RNF175: variants seen among roughly 807,000 people sequenced by gnomAD.
The protein encoded by RNF175 is ring finger protein 175.
In RNF175, 38 loss-of-function variants were observed where a neutral mutation model predicts 50.0. That is an observed-to-expected ratio of 0.76 (90% confidence interval 0.59 to 1.00). RNF175 has a LOEUF of 1.00. Among genes scored for constraint, RNF175 ranks in the 50% least tolerant of loss-of-function variants. RNF175 has a pLI of 0.00. For missense variants in RNF175, 388 were observed against 409.6 expected, an observed-to-expected ratio of 0.95 and a Z score of 0.46; for synonymous variants, 155 against 146.1, an observed-to-expected ratio of 1.06 and a Z score of -0.44.
At chr4:153,725,092 G>A (rs1738615722) in intron 4 of RNF175, among the ~76,000 whole-genome samples, 1 of 138,542 alleles carries the variant, frequency 7.2e-6, no homozygotes, top group African/African-American at 2.7e-5. Flanking sequence ...GGGCAGGGGT[G>A]AGCTGCGTGG....
intron 2 of RNF175, among the ~76,000 whole-genome samples, chr4:153,751,087 G>T (rs1032811609): frequency 2.0e-5 from 3 of 152,216 alleles, no homozygotes; most frequent in African/African-American, 4.8e-5. Flanking sequence ...CACTTCATGT[G>T]GTGCTCACAG....
chr4:153,721,245 G>C (rs1738320943), intron 5 of RNF175: 1 of 151,546 alleles, frequency 6.6e-6, no homozygotes, highest in Admixed American at 6.6e-5. Flanking sequence ...TTGCACATTT[G>C]GTTTGCTCTA....
chr4:153,717,731 T>TATGATCTCC (rs1416342725), intron 6 of RNF175, among the ~76,000 whole-genome samples: 2 of 152,214 alleles, frequency 1.3e-5, no homozygotes, highest in Non-Finnish European at 2.9e-5. Flanking sequence ...TTTTTAGTCT[T>TATGATCTCC]ATGATCTCCA....
intron 1 of RNF175, among the ~76,000 whole-genome samples, chr4:153,755,783 G>A (rs1341883002): frequency 6.6e-6 from 1 of 151,690 alleles, no homozygotes; most frequent in East Asian, 1.9e-4. Context: ...AAAATGAAAT[G>A]CTCACCAAGT....
At chr4:153,753,258 C>A (rs1466389152) in intron 1 of RNF175, among the ~76,000 whole-genome samples, 2 of 152,216 alleles carry the variant, frequency 1.3e-5, no homozygotes, top group African/African-American at 4.8e-5. Context: ...GTGGGGGATG[C>A]AACCGGGGTT....
intron 1 of RNF175, among the ~76,000 whole-genome samples, chr4:153,753,164 C>A (rs987989359): frequency 6.6e-6 from 1 of 152,198 alleles, no homozygotes; most frequent in Non-Finnish European, 1.5e-5. Context: ...CGAAGCCCAC[C>A]AGCATGCGGG....
At chr4:153,716,063 CAAAA>C (rs35531787) in intron 6 of RNF175, among the ~76,000 whole-genome samples, 184 of 94,204 alleles carry the variant, frequency 2.0e-3, no homozygotes, top group African/African-American at 7.6e-3. Context: ...GACTCTGTCT[CAAAA>C]AAAAAAAAAA....
At chr4:153,722,767 C>CA (rs3068869) in intron 5 of RNF175, among the ~76,000 whole-genome samples, 2,015 of 147,372 alleles carry the variant, frequency 0.014, 30 homozygotes, top group African/African-American at 0.036. Flanking sequence ...TTTAATAAGT[C>CA]AAAAAAAAAA....
chr4:153,715,812 C>T (rs1434296268), intron 6 of RNF175, 150 bp from the exon 7 acceptor site: 3 of 768,918 alleles, frequency 3.9e-6, no homozygotes, highest in African/African-American at 3.5e-5. Context: ...GCCTGTAATC[C>T]CAGCACTTTG....
At chr4:153,713,588 CCCAGGTGAACAGCA>C (rs552086152) in intron 7 of RNF175, 10 of 152,262 alleles carry the variant, frequency 6.6e-5, no homozygotes, top group Admixed American at 6.5e-4. Context: ...CTGCTACACA[CCCAGGTGAACAGCA>C]ACGATGTAGA....
chr4:153,741,942 C>T (rs957276055), intron 3 of RNF175, among the ~76,000 whole-genome samples: 1 of 152,236 alleles, frequency 6.6e-6, no homozygotes, highest in Admixed American at 6.5e-5. Flanking sequence ...CTATATCTCA[C>T]AAAATCAGCC....
At chr4:153,755,778 GA>G (rs1158914630) in intron 1 of RNF175, among the ~76,000 whole-genome samples, 3 of 151,716 alleles carry the variant, frequency 2.0e-5, no homozygotes, top group South Asian at 2.1e-4. Flanking sequence ...TTTTAAAAAT[GA>G]AATGCTCACC....
chr4:153,738,800 CCTCT>C (rs1739489847), intron 3 of RNF175, among the ~76,000 whole-genome samples: 1 of 151,980 alleles, frequency 6.6e-6, no homozygotes, highest in African/African-American at 2.4e-5. Flanking sequence ...CATCTTTCTC[CCTCT>C]CTCTCTGCCT....
intron 2 of RNF175, among the ~76,000 whole-genome samples, chr4:153,750,223 C>T (rs1397472850): frequency 6.6e-6 from 1 of 152,164 alleles, no homozygotes; most frequent in Non-Finnish European, 1.5e-5. Context: ...TTACAATATG[C>T]AGTTAGCTAA....
chr4:153,721,450 C>T (rs1054538467), intron 5 of RNF175: 2 of 152,170 alleles, frequency 1.3e-5, no homozygotes, highest in African/African-American at 4.8e-5. Flanking sequence ...GTGATATGAA[C>T]TGAGGCTTCC....
At chr4:153,734,679 T>C (rs1215124228) in intron 3 of RNF175, among the ~76,000 whole-genome samples, 1 of 134,344 alleles carries the variant, frequency 7.4e-6, no homozygotes, top group East Asian at 2.1e-4. Context: ...TTTTTTTTTT[T>C]TTTTTTTTTT....
chr4:153,738,205 A>G (rs948719152), intron 3 of RNF175, among the ~76,000 whole-genome samples: 20 of 152,140 alleles, frequency 1.3e-4, no homozygotes, highest in African/African-American at 4.3e-4. Context: ...GCATGCCACT[A>G]TGCCTGGCTA....
rs1294306335 is a variant in RNF175 at position 153,728,332 on chromosome 4, G to T, written c.276C>A (p.Val92=). The T allele has an allele frequency of 6.2e-7, 1 of 1,613,592 alleles. No homozygotes were observed. The highest frequency in any genetic ancestry group is 1.3e-5 in the African/African-American group (1 of 74,862). Reference sequence around the variant, plus strand: ...ATAATTTTATCGTGAAATATAAGGGGACAACCCACATCTGCAACAAGGTCA... The same window carrying T: ...ATAATTTTATCGTGAAATATAAGGGTACAACCCACATCTGCAACAAGGTCA... ...NLVTLLQMWV[V]PLYFTIKLYW... The change falls in exon 4 of 9, where the codon GTC becomes GTA. Residue 92 remains valine, a synonymous_variant. Coordinates refer to ENST00000347063, the MANE Select transcript of RNF175 (RefSeq NM_173662.4).
chr4:153,750,705 G>GA (rs1190828912), intron 2 of RNF175, among the ~76,000 whole-genome samples: 3 of 152,102 alleles, frequency 2.0e-5, no homozygotes, highest in African/African-American at 7.2e-5. Flanking sequence ...GATATGGGAA[G>GA]AAAAATGAAA....
Sources: gnomAD v4.1 joint callset for allele counts (sites outside exome capture counted in the v4.1 genomes callset) on GRCh38, gnomAD v4.1.1 for gene constraint, MANE v1.5 for transcripts, NCBI Gene and HGNC (gene_info 2026-07-23, HGNC 2026-07-21) for gene names.